GRIA2: variants seen among roughly 807,000 people sequenced by gnomAD.
The protein encoded by GRIA2 is glutamate receptor 2.
GRIA2 carries 14 observed loss-of-function variants against 97.3 expected under a neutral mutation model. The observed-to-expected ratio is 0.14, with a 90% CI of 0.10 to 0.23. The LOEUF is 0.23. Ranked by LOEUF, GRIA2 falls within the 10% of genes least tolerant of loss-of-function variation. The pLI is 1.00. For synonymous variants in GRIA2, 412 were observed against 387.8 expected, an observed-to-expected ratio of 1.06 and a Z score of -0.73; for missense variants, 558 against 1,069.8, an observed-to-expected ratio of 0.52 and a Z score of 6.67.
chr4:157,302,763 T>C (rs762871939), intron 2 of GRIA2, among the ~76,000 whole-genome samples: 24 of 152,184 alleles, frequency 1.6e-4, no homozygotes, highest in Non-Finnish European at 3.2e-4. Context: ...CATAACTTAG[T>C]TATGGACTGA....
chr4:157,315,802 G>C (rs1374127253), intron 4 of GRIA2, among the ~76,000 whole-genome samples: 1 of 152,140 alleles, frequency 6.6e-6, no homozygotes, highest in Non-Finnish European at 1.5e-5. Context: ...GCCTCCCAAA[G>C]TGCTGGGATT....
intron 2 of GRIA2, among the ~76,000 whole-genome samples, chr4:157,267,717 A>C (rs991589929): frequency 1.3e-5 from 2 of 152,054 alleles, no homozygotes; most frequent in African/African-American, 2.4e-5. Context: ...TTGCACTGTC[A>C]CTTGTAAGAA....
intron 3 of GRIA2, among the ~76,000 whole-genome samples, chr4:157,306,073 A>T (rs529431787): frequency 6.6e-6 from 1 of 152,294 alleles, no homozygotes; most frequent in South Asian, 2.1e-4. Context: ...TGATTTTATA[A>T]GCTAAATTTT....
intron 3 of GRIA2, among the ~76,000 whole-genome samples, chr4:157,305,187 A>G (rs1307727700): frequency 1.3e-5 from 2 of 152,090 alleles, no homozygotes; most frequent in Non-Finnish European, 2.9e-5. Context: ...TAACTTCTTT[A>G]GTATTTTGTG....
chr4:157,363,103 G>A (rs773728268), intron 15 of GRIA2, 56 bp downstream of exon 15: 53 of 1,516,118 alleles, frequency 3.5e-5, no homozygotes, highest in East Asian at 6.8e-5. Flanking sequence ...TTCTTGTTGC[G>A]TCCTTAAGCT....
chr4:157,259,501 A>AT (rs1368611079), intron 2 of GRIA2, among the ~76,000 whole-genome samples: 1 of 152,116 alleles, frequency 6.6e-6, no homozygotes, highest in Non-Finnish European at 1.5e-5. Context: ...TAGAGAGTTT[A>AT]TTTCACAGGC....
At chr4:157,334,591 G>A (rs1235864755) in intron 9 of GRIA2, 1 of 153,150 alleles carries the variant, frequency 6.5e-6, no homozygotes, top group Non-Finnish European at 1.5e-5. Flanking sequence ...TTGGCACATA[G>A]CTAGTACACA....
chr4:157,305,880 A>G (rs1421438037), intron 3 of GRIA2, among the ~76,000 whole-genome samples: 1 of 152,020 alleles, frequency 6.6e-6, no homozygotes, highest in African/African-American at 2.4e-5. Flanking sequence ...TATGTTTTTC[A>G]TGTAAGGTGT....
intron 2 of GRIA2, among the ~76,000 whole-genome samples, chr4:157,234,676 C>T (rs777914309): frequency 1.3e-5 from 2 of 152,080 alleles, no homozygotes; most frequent in Admixed American, 1.3e-4. Context: ...TGACTTCTTC[C>T]GTGAGGATCA....
intron 12 of GRIA2, among the ~76,000 whole-genome samples, chr4:157,354,296 A>C (rs1046306650): frequency 2.6e-5 from 4 of 152,228 alleles, no homozygotes; most frequent in African/African-American, 9.6e-5. Context: ...AGAAGTAGTA[A>C]GTCAATGGAA....
chr4:157,318,988 T>C (rs1579359471), intron 5 of GRIA2, among the ~76,000 whole-genome samples: 2 of 152,286 alleles, frequency 1.3e-5, no homozygotes, highest in East Asian at 1.9e-4. Flanking sequence ...TCACTAGAAG[T>C]TGAAGGAATT....
chr4:157,313,564 T>G (rs1452472499), intron 4 of GRIA2, among the ~76,000 whole-genome samples: 1 of 152,050 alleles, frequency 6.6e-6, no homozygotes, highest in Admixed American at 6.6e-5. Context: ...AGGGGAGCCA[T>G]GCAGTGTTAT....
At chr4:157,245,260 A>T (rs1043538340) in intron 2 of GRIA2, among the ~76,000 whole-genome samples, 1 of 152,150 alleles carries the variant, frequency 6.6e-6, no homozygotes, top group East Asian at 1.9e-4. Flanking sequence ...TTAAGGTGGC[A>T]TCATATACTT....
chr4:157,312,973 T>C, intron 4 of GRIA2, 98 bp downstream of exon 4: 1 of 646,574 alleles, frequency 1.5e-6, no homozygotes, highest in Non-Finnish European at 2.5e-6. Flanking sequence ...TGAACAGCAG[T>C]TTTTGCTTTA....
intron 5 of GRIA2, among the ~76,000 whole-genome samples, chr4:157,320,257 T>C (rs562026691): frequency 6.6e-6 from 1 of 152,058 alleles, no homozygotes; most frequent in Non-Finnish European, 1.5e-5. Flanking sequence ...GAGTTATAAG[T>C]ACTGATTAAA....
intron 2 of GRIA2, among the ~76,000 whole-genome samples, chr4:157,242,938 A>G (rs1373559352): frequency 6.6e-6 from 1 of 152,124 alleles, no homozygotes; most frequent in Non-Finnish European, 1.5e-5. Flanking sequence ...GTGCTTTAAA[A>G]TGCTAGACAG....
At chr4:157,286,063 G>C (rs982392458) in intron 2 of GRIA2, among the ~76,000 whole-genome samples, 2 of 151,354 alleles carry the variant, frequency 1.3e-5, no homozygotes, top group African/African-American at 4.8e-5. Flanking sequence ...ATATTAAACT[G>C]TTTCTATGTA....
At chr4:157,252,778 ATAACCCTTAAGACAC>A (rs1206379670) in intron 2 of GRIA2, among the ~76,000 whole-genome samples, 2 of 152,140 alleles carry the variant, frequency 1.3e-5, no homozygotes, top group African/African-American at 2.4e-5. Context: ...CACATTATAG[ATAACCCTTAAGACAC>A]TATCATTTGC....
At chr4:157,233,317 TA>T (rs1379785415) in intron 2 of GRIA2, among the ~76,000 whole-genome samples, 1 of 152,184 alleles carries the variant, frequency 6.6e-6, no homozygotes, top group Admixed American at 6.5e-5. Context: ...GCATGTCACT[TA>T]CATCTTAGGA....
Sources: allele counts gnomAD v4.1 joint callset (sites outside exome capture counted in the v4.1 genomes callset), GRCh38; gene constraint gnomAD v4.1.1; transcripts MANE v1.5; gene names NCBI Gene and HGNC (gene_info 2026-07-23, HGNC 2026-07-21).